The following FGGY variants were observed in gnomAD, a reference collection of about 807,000 sequenced individuals.
FGGY encodes FGGY carbohydrate kinase domain containing.
A neutral mutation model predicts 71.3 loss-of-function variants in FGGY; 72 were observed. The observed-to-expected ratio is 1.01, with a 90% confidence interval of 0.84 to 1.23. The LOEUF (loss-of-function observed/expected upper bound fraction) is 1.23. Ranked by LOEUF, FGGY falls within the 50% of genes most tolerant of loss-of-function variation. The probability of loss-of-function intolerance (pLI) is 0.00; values close to 1 mark genes in which losing one functional copy is unlikely to be tolerated. For missense variants in FGGY, 668 were observed against 682.3 expected (o/e 0.98, Z 0.23); for synonymous variants, 251 against 250.3 (o/e 1.00, Z -0.02).
chr1:59,519,796 A>G (rs1316208073), intron 7 of FGGY, among the ~76,000 whole-genome samples: 3 of 152,342 alleles, frequency 2.0e-5, no homozygotes, highest in South Asian at 2.1e-4. Context: ...TGCATGAGGG[A>G]ATTGAAGGCA....
At chr1:59,503,753 A>T (rs761341631) in intron 6 of FGGY, among the ~76,000 whole-genome samples, 2 of 151,570 alleles carry the variant, frequency 1.3e-5, no homozygotes, top group African/African-American at 4.8e-5. Context: ...TGAAAAAAAT[A>T]TGTATAATAA....
intron 5 of FGGY, among the ~76,000 whole-genome samples, chr1:59,399,115 AATAGTTCC>A (rs2061649904): frequency 6.6e-6 from 1 of 152,320 alleles, no homozygotes; most frequent in South Asian, 2.1e-4. Flanking sequence ...TAGTGGGCAT[AATAGTTCC>A]TATTTTATAG....
intron 5 of FGGY, among the ~76,000 whole-genome samples, chr1:59,413,038 C>T (rs1284724410): frequency 6.6e-6 from 1 of 152,192 alleles, no homozygotes; most frequent in African/African-American, 2.4e-5. Flanking sequence ...CTTCCAACTC[C>T]CATGCATTTG....
intron 14 of FGGY, among the ~76,000 whole-genome samples, chr1:59,676,425 G>A (rs2153983054): frequency 6.6e-6 from 1 of 151,506 alleles, no homozygotes; most frequent in East Asian, 1.9e-4. Flanking sequence ...AAATGCCATA[G>A]GTCACAAATC....
intron 14 of FGGY, among the ~76,000 whole-genome samples, chr1:59,732,556 G>T (rs1282115092): frequency 6.6e-6 from 1 of 152,108 alleles, no homozygotes; most frequent in Non-Finnish European, 1.5e-5. Flanking sequence ...GTCTGTCTAT[G>T]TTGTGGCAAA....
At position 59,369,833 on chromosome 1, in the gene FGGY, A is replaced by G. The variant is rs531355472; in HGVS notation, c.466-8916A>G. Among the ~76,000 whole-genome samples, 17 of 152,356 alleles carry G rather than the reference A, an allele frequency of 1.1e-4. No homozygotes were observed. In the South Asian group the frequency reaches 3.5e-3, roughly 32 times the overall value. ...TGGAGTGGACGTCTAGCAAACTCCA[A>G]CAGACCTGCAGCTGAGGGTCCTGTC... On this transcript the variant is annotated intron_variant, in intron 4 of 15. Coordinates refer to ENST00000303721, the MANE Select transcript of FGGY (RefSeq NM_018291.5).
At chr1:59,571,732 T>A (rs2095989126) in intron 8 of FGGY, among the ~76,000 whole-genome samples, 1 of 152,200 alleles carries the variant, frequency 6.6e-6, no homozygotes. Context: ...AATAACTAAG[T>A]TGTATTATAT....
chr1:59,700,498 T>C (rs1214774454), intron 14 of FGGY, among the ~76,000 whole-genome samples: 1 of 152,166 alleles, frequency 6.6e-6, no homozygotes, highest in African/African-American at 2.4e-5. Flanking sequence ...TTATCACAGG[T>C]CGTGTGCAAT....
chr1:59,597,213 A>G (rs558271265), intron 8 of FGGY, among the ~76,000 whole-genome samples: 46 of 152,342 alleles, frequency 3.0e-4, no homozygotes, highest in African/African-American at 1.0e-3. Flanking sequence ...GAGAAGCACA[A>G]GTGGGTTCTA....
chr1:59,378,829 C>T lies in FGGY; in HGVS notation c.546C>T (p.Val182=). ...PDFLSWKATG[V]TARSLCSLVC... is the part of the protein sequence containing the mutation. Reference sequence around the variant, plus strand: ...TCTTATCGTGGAAGGCAACAGGTGTCACAGCACGGTATGTTAATTACAAGT... The same window carrying T: ...TCTTATCGTGGAAGGCAACAGGTGTTACAGCACGGTATGTTAATTACAAGT... The change falls in exon 5 of 16, where the codon GTC becomes GTT. Residue 182 remains valine (V), a synonymous_variant. Coordinates refer to ENST00000303721, the MANE Select transcript of FGGY (RefSeq NM_018291.5). 1.2e-6 allele frequency: 2 copies of T among 1,612,616 alleles called. No homozygotes were observed. The highest frequency in any genetic ancestry group is 8.5e-7 in the Non-Finnish European group (1 of 1,178,884).
intron 11 of FGGY, among the ~76,000 whole-genome samples, chr1:59,642,281 A>G (rs1008185366): frequency 6.6e-6 from 1 of 152,254 alleles, no homozygotes; most frequent in African/African-American, 2.4e-5. Flanking sequence ...GCCAACTGGC[A>G]TTTAGCTGTA....
intron 2 of FGGY, among the ~76,000 whole-genome samples, chr1:59,326,492 G>T (rs2047450932): frequency 6.6e-6 from 1 of 152,178 alleles, no homozygotes; most frequent in East Asian, 1.9e-4. Context: ...AAGTAGGGAA[G>T]AAGTTGTTAT....
At chr1:59,523,700 T>C (rs2094898459) in intron 7 of FGGY, among the ~76,000 whole-genome samples, 1 of 152,216 alleles carries the variant, frequency 6.6e-6, no homozygotes, top group Admixed American at 6.5e-5. Flanking sequence ...CTCTAATCTG[T>C]ATCTGTGCTT....
At chr1:59,608,384 C>G (rs866205093) in intron 9 of FGGY, among the ~76,000 whole-genome samples, 47 of 152,210 alleles carry the variant, frequency 3.1e-4, no homozygotes, top group African/African-American at 1.1e-3. Context: ...TTGCACTTCT[C>G]TGTCCCTTTA....
chr1:59,511,253 C>G (rs957864486), intron 6 of FGGY, among the ~76,000 whole-genome samples: 3 of 152,184 alleles, frequency 2.0e-5, no homozygotes, highest in Non-Finnish European at 4.4e-5. Flanking sequence ...CCACCCTCAC[C>G]TCTACCCCCA....
chr1:59,442,066 C>T (rs1274350404), intron 5 of FGGY, among the ~76,000 whole-genome samples: 1 of 152,156 alleles, frequency 6.6e-6, no homozygotes, highest in African/African-American at 2.4e-5. Context: ...TTGTATTTCA[C>T]TCATGAAATT....
intron 7 of FGGY, among the ~76,000 whole-genome samples, chr1:59,545,408 G>T (rs552673204): frequency 6.6e-6 from 1 of 152,038 alleles, no homozygotes; most frequent in East Asian, 1.9e-4. Context: ...AGTTAACTTG[G>T]CTGTTTGGAT....
At chr1:59,306,187 T>C (rs1196010124) in intron 1 of FGGY, among the ~76,000 whole-genome samples, 1 of 152,198 alleles carries the variant, frequency 6.6e-6, no homozygotes, top group Non-Finnish European at 1.5e-5. Flanking sequence ...CACTACATCT[T>C]GGCTGGAATT....
chr1:59,313,018 T>C (rs1237399848), intron 1 of FGGY, among the ~76,000 whole-genome samples: 3 of 152,280 alleles, frequency 2.0e-5, no homozygotes, highest in Non-Finnish European at 4.4e-5. Flanking sequence ...GTAAAGAGCA[T>C]AAGGATCCCC....
Sources: allele counts gnomAD v4.1 joint callset (sites outside exome capture counted in the v4.1 genomes callset), GRCh38; gene constraint gnomAD v4.1.1; transcripts MANE v1.5; gene names NCBI Gene and HGNC (gene_info 2026-07-23, HGNC 2026-07-21).